The following DTX1 variants were observed in gnomAD, a reference collection of about 807,000 sequenced individuals.
DTX1 encodes deltex E3 ubiquitin ligase 1.
A neutral mutation model predicts 57.8 loss-of-function variants in DTX1; 26 were observed. The observed-to-expected ratio is 0.45, with a 90% CI of 0.33 to 0.62. DTX1 has a LOEUF of 0.62. Among genes scored for constraint, DTX1 ranks in the 20% least tolerant of loss-of-function variants. DTX1 has a pLI of 0.02. For synonymous variants in DTX1, 398 were observed against 394.1 expected (o/e 1.01, Z -0.12); for missense variants, 704 against 895.3 (o/e 0.79, Z 2.73).
At chr12:113,076,749 A>G (rs2044774690) in intron 2 of DTX1, among the ~76,000 whole-genome samples, 1 of 152,256 alleles carries the variant, frequency 6.6e-6, no homozygotes, top group African/African-American at 2.4e-5. Context: ...GAACTAATGC[A>G]AGAATTGTTG....
At chr12:113,076,885 T>C (rs1027513556) in intron 2 of DTX1, among the ~76,000 whole-genome samples, 2 of 152,170 alleles carry the variant, frequency 1.3e-5, no homozygotes, top group African/African-American at 4.8e-5. Context: ...GTGCATGGCC[T>C]TGGTCTCTGT....
At chr12:113,073,653 A>C (rs137999152) in intron 2 of DTX1, among the ~76,000 whole-genome samples, 7 of 152,272 alleles carry the variant, frequency 4.6e-5, no homozygotes, top group Admixed American at 6.5e-5. Flanking sequence ...TTGTGATTCT[A>C]ACAGAGGAGA....
At chr12:113,067,056 T>C (rs1015644249) in intron 2 of DTX1, among the ~76,000 whole-genome samples, 4 of 151,566 alleles carry the variant, frequency 2.6e-5, no homozygotes, top group Non-Finnish European at 5.9e-5. Context: ...GGTGACGGGG[T>C]GCATGAGGGA....
chr12:113,078,059 C>A lies in DTX1; in HGVS notation c.895C>A (p.Pro299Thr). Residue 299 changes from proline (P) to threonine (T), a missense_variant, in exon 3 of 10, where the codon CCC (proline) becomes ACC (threonine). Around this residue, in one of 3 missense-constraint regions of DTX1, gnomAD observed 299 missense variants for 311.2 expected, o/e 0.96. Coordinates refer to ENST00000548759, the MANE Select transcript of DTX1 (RefSeq NM_004416.3). Reference sequence around the variant, plus strand: ...GCAGAACAACCTCAACCGGCCCGGGCCCCAGCGCACCACCAGCGTGAGCGC... The same window carrying A: ...GCAGAACAACCTCAACCGGCCCGGGACCCAGCGCACCACCAGCGTGAGCGC... Reference protein sequence around the residue: ...PGQNNLNRPGPQRTTSVSARA... With the variant: ...PGQNNLNRPGTQRTTSVSARA... 1 of 1,385,946 alleles carries A rather than the reference C, an allele frequency of 7.2e-7. No homozygotes were observed. The highest frequency in any genetic ancestry group is 9.4e-7 in the Non-Finnish European group (1 of 1,068,732). The allele number at this position is 1,385,946 out of a possible 1,614,324, so 85.9% of individuals were successfully genotyped here.
At chr12:113,084,866 G>T (rs2044844136) in intron 3 of DTX1, among the ~76,000 whole-genome samples, 1 of 152,182 alleles carries the variant, frequency 6.6e-6, no homozygotes, top group Admixed American at 6.5e-5. Flanking sequence ...CCCATCTCCA[G>T]CCAGCCTGTA....
chr12:113,088,837 GTTT>G (rs1296657337), intron 3 of DTX1, among the ~76,000 whole-genome samples: 3 of 64,498 alleles, frequency 4.7e-5, no homozygotes, highest in African/African-American at 7.6e-5. Context: ...CTCCTCAAAA[GTTT>G]TGTTGTTGTT....
rs1463581023 is a variant in DTX1 at position 113,093,354 on chromosome 12, C to A, written c.1003+131C>A. The A allele has an allele frequency of 1.5e-6, 2 of 1,346,278 alleles. No homozygotes were observed. The highest frequency in any genetic ancestry group is 2.0e-6 in the Non-Finnish European group (2 of 1,001,178). The allele number at this position is 1,346,278 out of a possible 1,614,324, so 83.4% of individuals were successfully genotyped here. ...GGAGGAAACGCCCCCTTCCACTGGG[C>A]CCAGGACACAGGGCGGGCGTGGCCC... On this transcript the variant is annotated intron_variant, in intron 4 of 9. Coordinates refer to ENST00000548759, the MANE Select transcript of DTX1 (RefSeq NM_004416.3). The surrounding 1 kb of genome is among the most constrained non-coding windows in gnomAD (Gnocchi z 4.2).
rs962862182 is a variant in DTX1 at position 113,097,006 on chromosome 12, G to A, written c.*67G>A. 18 of 1,492,544 alleles carry A rather than the reference G, an allele frequency of 1.2e-5. No homozygotes were observed. The highest frequency in any genetic ancestry group is 1.3e-5 in the South Asian group (1 of 77,260). 92.5% of individuals were successfully genotyped at this position (1,492,544 alleles called of 1,614,324 possible). Reference sequence around the variant, plus strand: ...CCGGCAAATGCCTCCTTCGCCAGGTGTGTCCTGGTAGCCCAGGTTCAGGGC... The same window carrying A: ...CCGGCAAATGCCTCCTTCGCCAGGTATGTCCTGGTAGCCCAGGTTCAGGGC... On this transcript the variant is annotated 3_prime_UTR_variant, in exon 10 of 10. Transcript: ENST00000548759.
intron 2 of DTX1, among the ~76,000 whole-genome samples, chr12:113,071,537 T>C (rs2136055952): frequency 6.6e-6 from 1 of 152,290 alleles, no homozygotes; most frequent in South Asian, 2.1e-4. Flanking sequence ...TGGGGTGTGG[T>C]CTGCTCTGGG....
chr12:113,095,580 T>G, intron 9 of DTX1, 166 bp downstream of exon 9: 1 of 831,306 alleles, frequency 1.2e-6, no homozygotes, highest in Admixed American at 2.7e-5. Context: ...ACACATCTTA[T>G]CTCGTTTCCT....
At chr12:113,069,072 A>G (rs1566014705) in intron 2 of DTX1, among the ~76,000 whole-genome samples, 1 of 152,200 alleles carries the variant, frequency 6.6e-6, no homozygotes, top group African/African-American at 2.4e-5. Context: ...TTTGTGGCTG[A>G]AGAGTTGACT....
chr12:113,093,465 A>C lies in DTX1; in HGVS notation c.1004-74A>C. The C allele has an allele frequency of 1.0e-6, 1 of 990,766 alleles. No homozygotes were observed. Among genetic ancestry groups the C allele is most frequent in the Non-Finnish European group, 1.4e-6 (1 of 709,532 alleles). The allele number at this position is 990,766 out of a possible 1,614,324, so 61.4% of individuals were successfully genotyped here. ...CTCCCACCCACCCGAGGGCCCCGGGATTCCCAGGGCCAGTGGTCGGGGGTT... is the reference window on the plus strand; with the variant it reads ...CTCCCACCCACCCGAGGGCCCCGGGCTTCCCAGGGCCAGTGGTCGGGGGTT... On this transcript the variant is annotated intron_variant, in intron 4 of 9. Coordinates refer to ENST00000548759, the MANE Select transcript of DTX1 (RefSeq NM_004416.3). The surrounding 1 kb of genome is among the most constrained non-coding windows in gnomAD (Gnocchi z 4.2).
At chr12:113,071,780 G>A (rs1251843469) in intron 2 of DTX1, among the ~76,000 whole-genome samples, 3 of 152,262 alleles carry the variant, frequency 2.0e-5, no homozygotes, top group Non-Finnish European at 4.4e-5. Flanking sequence ...GCGGACGGAT[G>A]GGCAGGCGGG....
intron 2 of DTX1, among the ~76,000 whole-genome samples, chr12:113,063,177 A>G (rs936923021): frequency 5.9e-5 from 9 of 152,228 alleles, no homozygotes; most frequent in Admixed American, 5.9e-4. Flanking sequence ...TGGGAAGCCC[A>G]AGGCCGAAGG....
intron 2 of DTX1, among the ~76,000 whole-genome samples, chr12:113,071,613 G>T (rs371471557): frequency 6.6e-6 from 1 of 152,258 alleles, no homozygotes; most frequent in Non-Finnish European, 1.5e-5. Context: ...TAGACCCATT[G>T]TTCTGGCTGA....
intron 1 of DTX1, 94 bp downstream of exon 1, chr12:113,057,038 T>G (rs2044628811): frequency 1.3e-5 from 2 of 151,998 alleles, no homozygotes; most frequent in South Asian, 2.1e-4. Flanking sequence ...GCGGGGCTGT[T>G]ACCCCCAGGG....
At chr12:113,090,594 C>T (rs1430457795) in intron 3 of DTX1, among the ~76,000 whole-genome samples, 3 of 152,200 alleles carry the variant, frequency 2.0e-5, no homozygotes, top group South Asian at 2.1e-4. Flanking sequence ...CCAGGGTACC[C>T]GCCATCCCAT....
chr12:113,072,027 C>G (rs1049651245), intron 2 of DTX1, among the ~76,000 whole-genome samples: 3 of 152,212 alleles, frequency 2.0e-5, no homozygotes, highest in Admixed American at 6.5e-5. Flanking sequence ...AGCTGGCCAA[C>G]GCTGATGTTG....
intron 2 of DTX1, among the ~76,000 whole-genome samples, chr12:113,066,616 C>T (rs1001146605): frequency 6.6e-6 from 1 of 151,984 alleles, no homozygotes; most frequent in African/African-American, 2.4e-5. Flanking sequence ...GCCTCTGTTT[C>T]CTCACCTGTA....
Sources: gnomAD v4.1 joint callset for allele counts (sites outside exome capture counted in the v4.1 genomes callset) on GRCh38, gnomAD v4.1.1 for gene constraint, gnomAD v4.1.1 regional missense constraint, Gnocchi (gnomAD v3.1) non-coding constraint, MANE v1.5 for transcripts, NCBI Gene and HGNC (gene_info 2026-07-23, HGNC 2026-07-21) for gene names.